VAV3: variants seen among roughly 807,000 people sequenced by gnomAD.
VAV3 encodes guanine nucleotide exchange factor VAV3.
In VAV3, 94 loss-of-function variants were observed where a neutral mutation model predicts 131.2. The observed-to-expected ratio is 0.72, with a 90% CI of 0.61 to 0.85. The LOEUF (loss-of-function observed/expected upper bound fraction) is 0.85, where lower values mean the gene tolerates loss of function less well. VAV3 is among the 40% of genes least tolerant of loss of function. VAV3 has a pLI of 0.00. For synonymous variants in VAV3, 349 were observed against 342.0 expected, an observed-to-expected ratio of 1.02 and a Z score of -0.22; for missense variants, 939 against 1,002.7, an observed-to-expected ratio of 0.94 and a Z score of 0.86.
chr1:107,771,504 C>T (rs746156525), intron 5 of VAV3, among the ~76,000 whole-genome samples: 20 of 152,166 alleles, frequency 1.3e-4, no homozygotes, highest in Non-Finnish European at 2.5e-4. Context: ...CTGCCTGCCT[C>T]GGCCTCTCAG....
At chr1:107,946,598 T>A (rs1048570515) in intron 1 of VAV3, among the ~76,000 whole-genome samples, 32 of 152,282 alleles carry the variant, frequency 2.1e-4, no homozygotes, top group African/African-American at 7.5e-4. Flanking sequence ...GAAAATAATC[T>A]GCACAAGGAC....
At chr1:107,905,064 AG>A (rs527438405) in intron 1 of VAV3, among the ~76,000 whole-genome samples, 156 of 152,334 alleles carry the variant, frequency 1.0e-3, no homozygotes, top group African/African-American at 3.5e-3. Flanking sequence ...AGGAATATCA[AG>A]GAGCCAAGGT....
chr1:107,824,360 T>C (rs970831468), intron 2 of VAV3, among the ~76,000 whole-genome samples: 1 of 152,200 alleles, frequency 6.6e-6, no homozygotes, highest in African/African-American at 2.4e-5. Context: ...CTTTGTTTGT[T>C]TGTTTGTTTT....
intron 2 of VAV3, among the ~76,000 whole-genome samples, chr1:107,783,892 CAAA>C (rs55821232): frequency 9.3e-6 from 1 of 107,952 alleles, no homozygotes. Flanking sequence ...ACTAAAAATA[CAAA>C]AAAAAAAAAA....
At chr1:107,654,454 C>A (rs530677219) in intron 19 of VAV3, among the ~76,000 whole-genome samples, 1 of 152,120 alleles carries the variant, frequency 6.6e-6, no homozygotes, top group South Asian at 2.1e-4. Flanking sequence ...ATCCTATAAG[C>A]TTTTGTCATC....
At chr1:107,688,911 A>C (rs1170985647) in intron 17 of VAV3, among the ~76,000 whole-genome samples, 2 of 152,156 alleles carry the variant, frequency 1.3e-5, no homozygotes, top group Non-Finnish European at 2.9e-5. Flanking sequence ...TTTGGCAGAA[A>C]TACAGTTTGA....
intron 1 of VAV3, among the ~76,000 whole-genome samples, chr1:107,921,508 G>C (rs1672896848): frequency 6.6e-6 from 1 of 152,146 alleles, no homozygotes; most frequent in Non-Finnish European, 1.5e-5. Flanking sequence ...CTAAATCCCA[G>C]AACTACACAT....
intron 3 of VAV3, 127 bp downstream of exon 3, chr1:107,779,307 T>C (rs1278414721): frequency 2.3e-5 from 16 of 708,184 alleles, no homozygotes; most frequent in Admixed American, 3.8e-5. Flanking sequence ...GATACTTACA[T>C]ACCAGGCACT....
At chr1:107,610,375 ATTTAATATT>A (rs1396072440) in intron 21 of VAV3, among the ~76,000 whole-genome samples, 1 of 152,044 alleles carries the variant, frequency 6.6e-6, no homozygotes, top group East Asian at 1.9e-4. Context: ...GGATGTGGGT[ATTTAATATT>A]TTTAATATTT....
chr1:107,583,390 T>G (rs1282759207), intron 25 of VAV3, among the ~76,000 whole-genome samples: 1 of 152,252 alleles, frequency 6.6e-6, no homozygotes. Flanking sequence ...TTCAACATAG[T>G]GTTGGAAGTT....
chr1:107,886,862 A>C (rs1388360186), intron 1 of VAV3, among the ~76,000 whole-genome samples: 3 of 152,142 alleles, frequency 2.0e-5, no homozygotes, highest in Admixed American at 6.5e-5. Flanking sequence ...TGAAAAAAAA[A>C]CCTGCATTTG....
chr1:107,664,291 T>C (rs1657251323), intron 19 of VAV3, among the ~76,000 whole-genome samples: 1 of 152,010 alleles, frequency 6.6e-6, no homozygotes, highest in Admixed American at 6.6e-5. Context: ...GATCAAACCA[T>C]CACCTGGGTA....
chr1:107,617,689 C>T, intron 20 of VAV3, 57 bp from the exon 21 acceptor site: 1 of 1,455,160 alleles, frequency 6.9e-7, no homozygotes. Flanking sequence ...AATGATAACC[C>T]CATGATGCCC....
chr1:107,673,746 T>A (rs1343315358), intron 19 of VAV3: 2 of 152,102 alleles, frequency 1.3e-5, no homozygotes, highest in Non-Finnish European at 2.9e-5. Context: ...AAAAGGAGAA[T>A]ACCAAACTGG....
intron 15 of VAV3, among the ~76,000 whole-genome samples, chr1:107,710,826 C>CA (rs1183715092): frequency 1.3e-5 from 2 of 151,568 alleles, no homozygotes; most frequent in South Asian, 4.2e-4. Context: ...AATAAAGAAA[C>CA]AAAAAAATTG....
chr1:107,905,690 T>C (rs1309010729), intron 1 of VAV3, among the ~76,000 whole-genome samples: 1 of 152,230 alleles, frequency 6.6e-6, no homozygotes, highest in East Asian at 1.9e-4. Flanking sequence ...ATTTTATTGA[T>C]TTTAGGAAAT....
At chr1:107,668,204 T>C (rs964711989) in intron 19 of VAV3, among the ~76,000 whole-genome samples, 14 of 152,238 alleles carry the variant, frequency 9.2e-5, no homozygotes, top group African/African-American at 3.4e-4. Flanking sequence ...TCCATAATTG[T>C]AGCCAGCCTG....
At chr1:107,752,691 CAA>C (rs1472038436) in intron 12 of VAV3, among the ~76,000 whole-genome samples, 2 of 152,226 alleles carry the variant, frequency 1.3e-5, no homozygotes, top group African/African-American at 4.8e-5. Flanking sequence ...AGCAAACACA[CAA>C]AGACAATATT....
At chr1:107,624,216 C>T (rs1653824609) in intron 20 of VAV3, among the ~76,000 whole-genome samples, 1 of 152,092 alleles carries the variant, frequency 6.6e-6, no homozygotes, top group African/African-American at 2.4e-5. Context: ...GAGACTTCAC[C>T]GAGTCTTTCT....
Sources: allele counts gnomAD v4.1 joint callset (sites outside exome capture counted in the v4.1 genomes callset), GRCh38; gene constraint gnomAD v4.1.1; transcripts MANE v1.5; gene names NCBI Gene and HGNC (gene_info 2026-07-23, HGNC 2026-07-21).